The following PIDD1 variants were observed in gnomAD, a reference collection of about 807,000 sequenced individuals.
PIDD1 encodes p53-induced death domain protein 1, also known as p53-induced death domain-containing protein 1.
In PIDD1, 72 loss-of-function variants were observed where a neutral mutation model predicts 80.0. The ratio of observed to expected loss-of-function variants is 0.90; its 90% CI spans 0.74 to 1.09. The LOEUF is 1.09. Ranked by LOEUF, PIDD1 falls within the 50% of genes least tolerant of loss-of-function variation. The probability of loss-of-function intolerance (pLI) is 0.00; values close to 1 mark genes in which losing one functional copy is unlikely to be tolerated. For missense variants in PIDD1, 1,329 were observed against 1,228.3 expected (o/e 1.08, Z -1.23); for synonymous variants, 655 against 543.5 (o/e 1.21, Z -2.85).
At position 799,393 on chromosome 11, in the gene PIDD1, TGTCCTGGTACTTGCG is replaced by T; in HGVS notation, c.2632_2646del (p.Arg878_Asp882del). 1.9e-6 allele frequency: 3 copies of T among 1,611,998 alleles called. No homozygotes were observed. The highest frequency in any genetic ancestry group is 2.5e-6 in the Non-Finnish European group (3 of 1,179,872). Reference sequence around the variant, plus strand: ...GGGGCCAAGCCCATGCGTCGGATGCTGTCCTGGTACTTGCGGCGGCCGAGCTCCAAGACTGCGCGC... The same window carrying T: ...GGGGCCAAGCCCATGCGTCGGATGCTGCGGCCGAGCTCCAAGACTGCGCGC... On this transcript the variant is annotated inframe_deletion, in exon 16 of 16. Coordinates refer to ENST00000347755, the MANE Select transcript of PIDD1 (RefSeq NM_145886.4).
chr11:809,141 G>A (rs543840656), upstream of PIDD1, among the ~76,000 whole-genome samples: 9 of 152,314 alleles, frequency 5.9e-5, no homozygotes, highest in African/African-American at 1.9e-4. Context: ...GGCCAACCCT[G>A]TTCCCTCCCA....
In PIDD1 at chr11:804,467, C is replaced by G; in HGVS notation, c.-75-4G>C. 6.7e-7 allele frequency: 1 copy of G among 1,499,242 alleles called. No individual in the cohort carries two copies. Among genetic ancestry groups the G allele is most frequent in the Non-Finnish European group, 8.8e-7 (1 of 1,130,708 alleles). 92.9% of individuals were successfully genotyped at this position (1,499,242 alleles called of 1,614,324 possible). A position where few individuals can be genotyped will look rare whatever the true frequency, so the allele number is the denominator to read the frequency against. ...GTCCAGGCAGCGCCCGGGGAAGCTG[C>G]AGAGGCAGGAGGAGGAGTGAGCGGG... is the stretch of plus-strand genomic sequence containing the variant. On this transcript the variant is annotated splice_polypyrimidine_tract_variant and splice_region_variant and intron_variant, in intron 1 of 15. Transcript: ENST00000347755.
At chr11:806,074 G>C (rs1322999902), upstream of PIDD1, 1 of 151,360 alleles carries the variant, frequency 6.6e-6, no homozygotes, top group Non-Finnish European at 1.5e-5. Context: ...ACTCCAGCCT[G>C]GGAGACAGAG....
At position 802,749 on chromosome 11, in the gene PIDD1, G is replaced by A. The variant is rs147422285; in HGVS notation, c.852C>T (p.Asp284=). The A allele has an allele frequency of 3.1e-4, 501 of 1,611,112 alleles. 3 individuals carry two copies. The Middle Eastern group carries it at 3.1e-3, about 10-fold the overall frequency. ...QLRDLPPELL[D]APFVRLQGNP... is the part of the protein sequence containing the mutation. ...TCCCCTGCAGGCGCACAAAGGGGGC[G>A]TCTAGCAGCTCAGGGGGCAGGTCCC... The change falls in exon 4 of 16, where the codon GAC becomes GAT. Residue 284 remains aspartate, a synonymous_variant. Transcript: ENST00000347755.
chr11:800,264 G>T lies in PIDD1; in HGVS notation c.2161-20C>A. The T allele has an allele frequency of 6.2e-7, 1 of 1,611,560 alleles. No individual in the cohort carries two copies. Among genetic ancestry groups the T allele is most frequent in the Non-Finnish European group, 8.5e-7 (1 of 1,179,478 alleles). ...GGACACCTGAAGGGGCATCGAATGGGGTTCGGAGTTCGGTCCTCTGCCCAA... is the reference window on the plus strand; with the variant it reads ...GGACACCTGAAGGGGCATCGAATGGTGTTCGGAGTTCGGTCCTCTGCCCAA... On this transcript the variant is annotated intron_variant, in intron 13 of 15. Coordinates refer to ENST00000347755, the MANE Select transcript of PIDD1 (RefSeq NM_145886.4).
rs770114173 is a variant in PIDD1, at chr11:803,343, G to T, written c.540C>A (p.His180Gln). Residue 180 changes from histidine to glutamine, a missense_variant, in exon 3 of 16, where the codon CAC becomes CAA. Physicochemically the swap from His to Gln is conservative, Grantham distance 24. Coordinates refer to ENST00000347755, the MANE Select transcript of PIDD1 (RefSeq NM_145886.4). ...LPALTFLTVT[H>Q]NRLQTLPPAL... is the part of the protein sequence containing the mutation. ...CTGGGGGCAGCGTCTGCAGGCGGTT[G>T]TGTGTCACTGTGAGGAAGGTGAGGG... is the stretch of plus-strand genomic sequence containing the variant. 3.1e-6 allele frequency: 5 copies of T among 1,613,994 alleles called. No individual in the cohort carries two copies. The South Asian group carries it at 4.4e-5, about 14-fold the overall frequency.
At chr11:806,872 C>T (rs552220972), upstream of PIDD1, among the ~76,000 whole-genome samples, 8 of 152,248 alleles carry the variant, frequency 5.3e-5, no homozygotes, top group Non-Finnish European at 1.0e-4. Flanking sequence ...TTTGAGCCAC[C>T]GCACCCGGCC....
chr11:808,555 C>G (rs1174623367), upstream of PIDD1, among the ~76,000 whole-genome samples: 4 of 152,284 alleles, frequency 2.6e-5, no homozygotes, highest in East Asian at 7.7e-4. Context: ...AAAATTTTAG[C>G]CGGGTGTGGT....
chr11:808,170 T>C (rs1460924163), upstream of PIDD1, among the ~76,000 whole-genome samples: 1 of 152,030 alleles, frequency 6.6e-6, no homozygotes, highest in Non-Finnish European at 1.5e-5. Flanking sequence ...CTCGTGCCTG[T>C]AATCCCAGCA....
rs371875584 is a variant in PIDD1 at position 801,179 on chromosome 11, T to G, written c.1630+39A>C. 117 of 1,544,302 alleles carry G rather than the reference T, an allele frequency of 7.6e-5. No homozygotes were observed. In the South Asian group the frequency reaches 1.4e-3, roughly 18 times the overall value. The stretch of plus-strand genomic sequence containing the variant: ...CTGGCCGGAGACCCCCTCCACCCTA[T>G]GGCCACAGGTCCAGGTATGCCCCAT... On this transcript the variant is annotated intron_variant, in intron 9 of 15. Coordinates refer to ENST00000347755, the MANE Select transcript of PIDD1 (RefSeq NM_145886.4).
At chr11:804,623 G>T in intron 1 of PIDD1, 160 bp from the exon 2 acceptor site, 1 of 643,120 alleles carries the variant, frequency 1.6e-6, no homozygotes, top group Non-Finnish European at 2.4e-6. Context: ...CCGGAGGCCT[G>T]GGTCACCACT....
rs200993672 is a variant in PIDD1, at chr11:802,019, C to A, written c.1248G>T (p.Arg416=). 7 of 1,602,420 alleles carry A rather than the reference C, an allele frequency of 4.4e-6. No homozygotes were observed. Among genetic ancestry groups the A allele is most frequent in the Non-Finnish European group, 5.1e-6 (6 of 1,175,176 alleles). Residue 416 remains arginine (R), a synonymous_variant, in exon 7 of 16, where the codon CGG becomes CGT. Coordinates refer to ENST00000347755, the MANE Select transcript of PIDD1 (RefSeq NM_145886.4). ...CCAGGTCACCCCAGCTGTTGTCATT[C>A]CGGGTCCTGACCACCACTTCACGGC... The part of the protein sequence containing the change: ...RRCREVVVRT[R]NDNSWGDLET...
rs1865322294 is a variant in PIDD1 at position 801,536 on chromosome 11, T to A, written c.1391A>T (p.Glu464Val). ...PVSNACLVPPEGTLLCSSGHP... is the reference protein window; with the variant it reads ...PVSNACLVPPVGTLLCSSGHP... ...ACCCGAGGAGCACAGCAGTGTCCCCTCCGGTGGCACCAGGCAGGCATTGGA... is the reference window on the plus strand; with the variant it reads ...ACCCGAGGAGCACAGCAGTGTCCCCACCGGTGGCACCAGGCAGGCATTGGA... The change falls in exon 8 of 16, where the codon GAG (glutamate) becomes GTG (valine). Residue 464 changes from glutamate to valine, a missense_variant. By Grantham distance (121) the Glu-to-Val change is moderately radical. Coordinates refer to ENST00000347755, the MANE Select transcript of PIDD1 (RefSeq NM_145886.4). The A allele has an allele frequency of 6.4e-7, 1 of 1,566,544 alleles. No individual in the cohort carries two copies.
chr11:800,330 C>G lies in PIDD1; in HGVS notation c.2160+3G>C. On this transcript the variant is annotated splice_donor_region_variant and intron_variant, in intron 13 of 15. Coordinates refer to ENST00000347755, the MANE Select transcript of PIDD1 (RefSeq NM_145886.4). ...TCTCCCCTCACCCACTCCCCTCGCC[C>G]ACCTGGCCCCGCACAGCCTGAGCCT... is the stretch of plus-strand genomic sequence containing the variant. 6.2e-7 allele frequency: 1 copy of G among 1,612,874 alleles called. No homozygotes were observed. The highest frequency in any genetic ancestry group is 8.5e-7 in the Non-Finnish European group (1 of 1,179,988).
At chr11:803,855 C>A in intron 2 of PIDD1, 1 of 624,800 alleles carries the variant, frequency 1.6e-6, no homozygotes, top group East Asian at 2.8e-5. Context: ...CTGGAGAGAC[C>A]CCCACTGGGC....
At position 800,239 on chromosome 11, in the gene PIDD1, G is replaced by A. The variant is rs756048081; in HGVS notation, c.2166C>T (p.Ser722=). The change falls in exon 14 of 16, where the codon TCC becomes TCT. Residue 722 remains serine, a synonymous_variant. Transcript: ENST00000347755. The part of the protein sequence containing the change: ...REAQAVRGQV[S]FYRGAVPVRV... Reference sequence around the variant, plus strand: ...GCACAGGCACCGCGCCACGGTAGAAGGACACCTGAAGGGGCATCGAATGGG... The same window carrying A: ...GCACAGGCACCGCGCCACGGTAGAAAGACACCTGAAGGGGCATCGAATGGG... The A allele has an allele frequency of 6.2e-7, 1 of 1,610,454 alleles. No individual in the cohort carries two copies. Among genetic ancestry groups the A allele is most frequent in the Non-Finnish European group, 8.5e-7 (1 of 1,178,812 alleles).
chr11:801,023 G>T lies in PIDD1; in HGVS notation c.1728C>A (p.Thr576=). The T allele has an allele frequency of 6.2e-7, 1 of 1,602,906 alleles. No homozygotes were observed. The highest frequency in any genetic ancestry group is 8.5e-7 in the Non-Finnish European group (1 of 1,175,302). ...DITAQVVLEL[T]HLYARFQVTH... ...TGACCTGGAAGCGTGCGTACAGGTG[G>T]GTGAGCTCCAGGACCACCTGAGCTG... Residue 576 remains threonine, a synonymous_variant, in exon 10 of 16, where the codon ACC becomes ACA. Transcript: ENST00000347755.
intron 2 of PIDD1, 140 bp downstream of exon 2, chr11:803,954 G>A (rs1865586448): frequency 2.1e-6 from 2 of 934,038 alleles, no homozygotes; most frequent in Admixed American, 2.8e-5. Flanking sequence ...ACAGGACCAA[G>A]AGCAGAACAG....
chr11:809,326 CCT>C (rs776178329), upstream of PIDD1: 1 of 152,290 alleles, frequency 6.6e-6, no homozygotes, highest in Non-Finnish European at 1.5e-5. Flanking sequence ...CCGCGCTCGT[CCT>C]CTGACAGGAT....
Sources: allele counts gnomAD v4.1 joint callset (sites outside exome capture counted in the v4.1 genomes callset), GRCh38; gene constraint gnomAD v4.1.1; transcripts MANE v1.5; gene names NCBI Gene and HGNC (gene_info 2026-07-23, HGNC 2026-07-21).